The following DYSF variants were observed in gnomAD, a reference collection of about 807,000 sequenced individuals.
DYSF encodes dysferlin, also known as dystrophy-associated fer-1-like 1.
A neutral mutation model predicts 274.9 loss-of-function variants in DYSF; 212 were observed. That is an observed-to-expected ratio of 0.77 (90% confidence interval 0.69 to 0.86). DYSF has a LOEUF of 0.86. Among genes scored for constraint, DYSF ranks in the 40% least tolerant of loss-of-function variants. The probability of loss-of-function intolerance (pLI) is 0.00; values close to 1 mark genes in which losing one functional copy is unlikely to be tolerated. For synonymous variants in DYSF, 1,091 were observed against 1,078.7 expected (o/e 1.01, Z -0.22); for missense variants, 2,666 against 2,783.2 (o/e 0.96, Z 0.95).
rs765954712 is a variant in DYSF at position 71,481,964 on chromosome 2, G to T, written c.233G>T (p.Arg78Met). ...GTCAAAGACCATGAGACGATGGGGA[G>T]GAACAGGTAAGGTGGCCAGAGGGGG... Reference protein sequence around the residue: ...VVVKDHETMGRNRFLGEAKVP... With the variant: ...VVVKDHETMGMNRFLGEAKVP... Residue 78 changes from arginine (R) to methionine (M), a missense_variant, in exon 3 of 56, where the codon AGG becomes ATG. By Grantham distance (91) the Arg-to-Met change is moderately conservative (BLOSUM62 -1). Transcript: ENST00000410020. 6.2e-7 allele frequency: 1 copy of T among 1,614,042 alleles called. No individual in the cohort carries two copies. Among genetic ancestry groups the T allele is most frequent in the South Asian group, 1.1e-5 (1 of 91,038 alleles).
chr2:71,550,943 C>A, intron 17 of DYSF, 98 bp from the exon 18 acceptor site: 1 of 1,016,236 alleles, frequency 9.8e-7, no homozygotes, highest in Non-Finnish European at 1.6e-6. Context: ...TGGGGGGGAA[C>A]TGAGGGCCAG....
At chr2:71,477,115 C>T (rs906337806) in intron 1 of DYSF, among the ~76,000 whole-genome samples, 1 of 152,062 alleles carries the variant, frequency 6.6e-6, no homozygotes, top group Non-Finnish European at 1.5e-5. Context: ...TAACAAACGA[C>T]GTTCCATGAG....
chr2:71,583,151 T>C (rs2092952653), intron 30 of DYSF, among the ~76,000 whole-genome samples: 1 of 152,184 alleles, frequency 6.6e-6, no homozygotes, highest in Non-Finnish European at 1.5e-5. Context: ...TATGATTTAA[T>C]TTTTACTAAT....
chr2:71,554,734 G>A (rs2152794105), intron 21 of DYSF, among the ~76,000 whole-genome samples: 1 of 152,344 alleles, frequency 6.6e-6, no homozygotes, highest in East Asian at 1.9e-4. Flanking sequence ...GAAGAGCAGA[G>A]CATATGAGGT....
rs374346440 is a variant in DYSF, at chr2:71,612,759, T to C, written c.4340T>C (p.Leu1447Pro). The change falls in exon 39 of 56, where the codon CTG becomes CCG. Residue 1447 changes from leucine to proline, a missense_variant. Leu to Pro is a moderately conservative substitution (Grantham distance 98). Coordinates refer to ENST00000410020, the MANE Select transcript of DYSF (RefSeq NM_001130987.2). ...ACCATCCGCTCCCTGGAGAGCTTCCTGTGTGACCCCTACTCGGCGGAGAGT... is the reference window on the plus strand; with the variant it reads ...ACCATCCGCTCCCTGGAGAGCTTCCCGTGTGACCCCTACTCGGCGGAGAGT... ...QCTIRSLESF[L>P]CDPYSAESPS... is the part of the protein sequence containing the mutation. 1 of 1,614,012 alleles carries C rather than the reference T, an allele frequency of 6.2e-7. No homozygotes were observed. The highest frequency in any genetic ancestry group is 1.3e-5 in the African/African-American group (1 of 74,924).
chr2:71,591,218 A>G (rs989081403), intron 32 of DYSF, among the ~76,000 whole-genome samples: 1 of 152,224 alleles, frequency 6.6e-6, no homozygotes. Context: ...TCTAACCAGC[A>G]AACTCCTAGT....
At chr2:71,660,133 T>C (rs902531511) in intron 44 of DYSF, among the ~76,000 whole-genome samples, 5 of 152,222 alleles carry the variant, frequency 3.3e-5, no homozygotes, top group Admixed American at 2.6e-4. Context: ...GTGCTGCTGC[T>C]TCCAGGAAGC....
chr2:71,526,418 T>TGG, intron 13 of DYSF, 72 bp downstream of exon 13: 28 of 261,480 alleles, frequency 1.1e-4, no homozygotes, highest in Non-Finnish European at 1.4e-4. Flanking sequence ...GGGTGGGCGA[T>TGG]GGCGGGCGGG....
intron 26 of DYSF, among the ~76,000 whole-genome samples, chr2:71,568,933 C>T (rs536732208): frequency 2.6e-5 from 4 of 151,036 alleles, no homozygotes; most frequent in South Asian, 2.1e-4. Flanking sequence ...AGTGCAGTGG[C>T]GCGATCTCGG....
At position 71,453,957 on chromosome 2, in the gene DYSF, C is replaced by T. The variant is rs576288696; in HGVS notation, c.-42C>T. ...TCGGCCCTCCCGACCTTTCCGAGCC[C>T]TCTTTGCGCCCTGGGCGCACGGGGC... On this transcript the variant is annotated 5_prime_UTR_variant, in exon 1 of 55. Coordinates refer to the DYSF transcript ENST00000258104. The T allele has an allele frequency of 2.5e-6, 4 of 1,609,172 alleles. No individual in the cohort carries two copies. The East Asian group carries it at 6.7e-5, about 27-fold the overall frequency.
intron 45 of DYSF, among the ~76,000 whole-genome samples, chr2:71,663,498 G>A (rs945818675): frequency 6.6e-6 from 1 of 152,192 alleles, no homozygotes; most frequent in African/African-American, 2.4e-5. Context: ...CCCAGGCATG[G>A]GCCAGAGTGC....
intron 3 of DYSF, among the ~76,000 whole-genome samples, chr2:71,484,529 ACT>A (rs1348190327): frequency 6.6e-6 from 1 of 151,782 alleles, no homozygotes. Flanking sequence ...TTTCAATTCT[ACT>A]CTTTTAGTTG....
chr2:71,492,025 A>G (rs1330812937), intron 3 of DYSF, among the ~76,000 whole-genome samples: 1 of 151,980 alleles, frequency 6.6e-6, no homozygotes, highest in African/African-American at 2.4e-5. Context: ...AGGATTATTT[A>G]CCCTTCACTG....
At chr2:71,600,914 C>T in intron 34 of DYSF, 72 bp downstream of exon 34, 1 of 1,591,300 alleles carries the variant, frequency 6.3e-7, no homozygotes, top group Non-Finnish European at 8.5e-7. Flanking sequence ...TCTGTGGGAG[C>T]CTGGAACACC....
intron 8 of DYSF, 22 bp downstream of exon 8, chr2:71,515,773 G>A (rs1245650458): frequency 1.2e-6 from 2 of 1,613,910 alleles, no homozygotes; most frequent in Non-Finnish European, 1.7e-6. Flanking sequence ...GGGGCATGAG[G>A]GCCAGAACCT....
chr2:71,668,726 G>T (rs758067949), intron 48 of DYSF, 28 bp from the exon 49 acceptor site: 10 of 1,606,672 alleles, frequency 6.2e-6, no homozygotes, highest in Admixed American at 1.7e-5. Context: ...TGAGAAGGGT[G>T]GGGAGAGAAC....
At position 71,658,968 on chromosome 2, in the gene DYSF, G is replaced by A; in HGVS notation, c.4846G>A (p.Glu1616Lys). 1 of 1,614,128 alleles carries A rather than the reference G, an allele frequency of 6.2e-7. No individual in the cohort carries two copies. ...FHQLAAQGPQ[E>K]CLVRIYIVRA... Reference sequence around the variant, plus strand: ...CCAGCTGGCCGCCCAGGGACCCCAGGAGTGCTTGGTCCGTATCTACATTGT... The same window carrying A: ...CCAGCTGGCCGCCCAGGGACCCCAGAAGTGCTTGGTCCGTATCTACATTGT... The change falls in exon 44 of 56, where the codon GAG becomes AAG. Residue 1616 changes from glutamate to lysine, a missense_variant. Glu to Lys is a moderately conservative substitution (Grantham distance 56, BLOSUM62 1). Coordinates refer to ENST00000410020, the MANE Select transcript of DYSF (RefSeq NM_001130987.2).
chr2:71,686,718 T>G lies in DYSF; in HGVS notation c.*226T>G. On this transcript the variant is annotated 3_prime_UTR_variant, in exon 56 of 56. Coordinates refer to ENST00000410020, the MANE Select transcript of DYSF (RefSeq NM_001130987.2). The stretch of plus-strand genomic sequence containing the variant: ...CCTTCTCCCCCAACCCAACGCTTTT[T>G]TGGATCAGCTCAGACATATTTCAGT... 1 of 607,822 alleles carries G rather than the reference T, an allele frequency of 1.6e-6. No homozygotes were observed. Among genetic ancestry groups the G allele is most frequent in the Non-Finnish European group, 3.0e-6 (1 of 337,718 alleles). The allele number at this position is 607,822 out of a possible 1,614,324, so 37.7% of individuals were successfully genotyped here.
intron 51 of DYSF, among the ~76,000 whole-genome samples, chr2:71,672,757 CG>C (rs1168280885): frequency 6.6e-6 from 1 of 152,190 alleles, no homozygotes; most frequent in Non-Finnish European, 1.5e-5. Context: ...GCCATGCAGG[CG>C]GGCCTGCGGA....
Sources: allele counts gnomAD v4.1 joint callset (sites outside exome capture counted in the v4.1 genomes callset), GRCh38; gene constraint gnomAD v4.1.1; transcripts MANE v1.5; gene names NCBI Gene and HGNC (gene_info 2026-07-23, HGNC 2026-07-21).